FKTN: variants seen among roughly 807,000 people sequenced by gnomAD.
FKTN encodes the protein ribitol-5-phosphate transferase FKTN.
In FKTN, 47 loss-of-function variants were observed where a neutral mutation model predicts 58.6. The ratio of observed to expected loss-of-function variants is 0.80; its 90% confidence interval spans 0.63 to 1.02. The LOEUF is 1.02. Ranked by LOEUF, FKTN falls within the 50% of genes least tolerant of loss-of-function variation. The pLI is 0.00. For missense variants in FKTN, 516 were observed against 537.3 expected (o/e 0.96, Z 0.39); for synonymous variants, 178 against 191.9 (o/e 0.93, Z 0.60).
Position 105,639,976 on chromosome 9 carries a change from T to A in FKTN, c.*4712T>A. ...AGCCATGATTTGGAGAGGGAAGAAA[T>A]CTGGAATACTTAATTTCATTTAATT... is the stretch of plus-strand genomic sequence containing the variant. On this transcript the variant is annotated 3_prime_UTR_variant, in exon 11 of 11. Transcript: ENST00000357998. 1.3e-6 allele frequency: 2 copies of A among 1,507,204 alleles called. No homozygotes were observed. Among genetic ancestry groups the A allele is most frequent in the Non-Finnish European group, 1.8e-6 (2 of 1,130,144 alleles). 93.4% of individuals were successfully genotyped at this position (1,507,204 alleles called of 1,614,324 possible).
chr9:105,573,131 A>T (rs937751399), intron 1 of FKTN, among the ~76,000 whole-genome samples: 3 of 152,040 alleles, frequency 2.0e-5, no homozygotes, highest in Admixed American at 6.5e-5. Flanking sequence ...GTTACTCGGG[A>T]GGCTGAGATA....
rs762827229 is a variant in FKTN at position 105,601,172 on chromosome 9, A to T, written c.193A>T (p.Thr65Ser). ...WRAVKKFIML[T>S]SNQNVPVFLI... Reference sequence around the variant, plus strand: ...TGCAGTTAAAAAATTTATTATGTTAACATCCAACCAAAATGTACCAGTGTT... The same window carrying T: ...TGCAGTTAAAAAATTTATTATGTTATCATCCAACCAAAATGTACCAGTGTT... Residue 65 changes from threonine (T) to serine (S), a missense_variant, in exon 5 of 11, where the codon ACA becomes TCA. Transcript: ENST00000357998. 1 of 1,609,484 alleles carries T rather than the reference A, an allele frequency of 6.2e-7. No homozygotes were observed. The highest frequency in any genetic ancestry group is 8.5e-7 in the Non-Finnish European group (1 of 1,176,286).
At chr9:105,574,771 C>T in intron 2 of FKTN, 174 bp from the exon 3 acceptor site, 1 of 344,416 alleles carries the variant, frequency 2.9e-6, no homozygotes, top group Non-Finnish European at 5.3e-6. Context: ...TGATAATAAA[C>T]ATTTTTGTTT....
intron 3 of FKTN, among the ~76,000 whole-genome samples, chr9:105,579,993 G>C (rs966371783): frequency 2.4e-4 from 37 of 151,658 alleles, no homozygotes; most frequent in African/African-American, 8.2e-4. Flanking sequence ...TGCAACCCCT[G>C]CCTTTTTTTG....
intron 6 of FKTN, 61 bp downstream of exon 6, chr9:105,604,553 G>A (rs1828521353): frequency 7.4e-7 from 1 of 1,354,290 alleles, no homozygotes; most frequent in South Asian, 1.2e-5. Context: ...AATTCTTGCA[G>A]TGTTTTTACA....
At chr9:105,590,922 G>A (rs12004886) in intron 3 of FKTN, among the ~76,000 whole-genome samples, 17,338 of 152,066 alleles carry the variant, frequency 0.11, 1,436 homozygotes, top group African/African-American at 0.23. Context: ...AGGTGAAGGG[G>A]GAGCCCGCAC....
chr9:105,614,257 T>C (rs1830430598), intron 7 of FKTN, among the ~76,000 whole-genome samples: 1 of 152,186 alleles, frequency 6.6e-6, no homozygotes, highest in Non-Finnish European at 1.5e-5. Context: ...AAATGATATA[T>C]ATGACCTGAC....
intron 7 of FKTN, among the ~76,000 whole-genome samples, chr9:105,614,934 A>G (rs1382722978): frequency 7.1e-6 from 1 of 141,484 alleles, no homozygotes; most frequent in African/African-American, 2.7e-5. Flanking sequence ...CCCAGGCTGG[A>G]GTATAGTGGT....
Position 105,637,265 on chromosome 9 carries a change from A to T in FKTN, c.*2001A>T. The T allele has an allele frequency of 1.0e-6, 1 of 985,482 alleles. No homozygotes were observed. The highest frequency in any genetic ancestry group is 1.2e-6 in the Non-Finnish European group (1 of 829,906). 61.0% of individuals were successfully genotyped at this position (985,482 alleles called of 1,614,324 possible). A position where few individuals can be genotyped will look rare whatever the true frequency, so the allele number is the denominator to read the frequency against. ...CTCCCATTCTTTGCCAGGAGATCTT[A>T]CCCATCCCTTTTCAGATTAATCTTT... On this transcript the variant is annotated 3_prime_UTR_variant, in exon 11 of 11. Coordinates refer to ENST00000357998, the MANE Select transcript of FKTN (RefSeq NM_001079802.2).
chr9:105,558,827 G>A (rs1423530539), intron 1 of FKTN, among the ~76,000 whole-genome samples: 3 of 152,160 alleles, frequency 2.0e-5, no homozygotes, highest in Non-Finnish European at 4.4e-5. Context: ...GATAAATAGG[G>A]TTTGAACGAT....
chr9:105,630,174 C>T (rs1292968756), intron 10 of FKTN, among the ~76,000 whole-genome samples: 1 of 151,796 alleles, frequency 6.6e-6, no homozygotes, highest in African/African-American at 2.4e-5. Flanking sequence ...ACGTTGTGCA[C>T]ATGTACCCTA....
At chr9:105,615,909 T>G (rs1830721982) in intron 8 of FKTN, among the ~76,000 whole-genome samples, 1 of 152,192 alleles carries the variant, frequency 6.6e-6, no homozygotes, top group Non-Finnish European at 1.5e-5. Flanking sequence ...GAGTATCTTA[T>G]TTTACTGTAC....
chr9:105,584,257 T>C (rs973852950), intron 3 of FKTN, among the ~76,000 whole-genome samples: 1 of 152,180 alleles, frequency 6.6e-6, no homozygotes, highest in South Asian at 2.1e-4. Flanking sequence ...GCTATTATTA[T>C]TATTTTTTAA....
chr9:105,573,846 A>G (rs570826158), intron 2 of FKTN, 100 bp downstream of exon 2: 1 of 152,348 alleles, frequency 6.6e-6, no homozygotes, highest in Non-Finnish European at 1.5e-5. Context: ...ATTTAGCACT[A>G]CAGGACAATG....
At chr9:105,592,724 G>A (rs1021651104) in intron 3 of FKTN, among the ~76,000 whole-genome samples, 1 of 152,196 alleles carries the variant, frequency 6.6e-6, no homozygotes, top group African/African-American at 2.4e-5. Flanking sequence ...TAGGGCCAGG[G>A]CACAATGCAG....
chr9:105,615,218 A>G, intron 7 of FKTN, 60 bp from the exon 8 acceptor site: 1 of 1,574,570 alleles, frequency 6.4e-7, no homozygotes, highest in Non-Finnish European at 8.7e-7. Flanking sequence ...CAGATGCCAC[A>G]GAAAGGTTCC....
chr9:105,617,655 G>A (rs1831053693), intron 8 of FKTN, among the ~76,000 whole-genome samples: 1 of 152,170 alleles, frequency 6.6e-6, no homozygotes, highest in Non-Finnish European at 1.5e-5. Context: ...TAGATAGATA[G>A]AAGGTTCAGG....
At position 105,640,508 on chromosome 9, in the gene FKTN, G is replaced by A. The variant is rs749718767; in HGVS notation, c.*5244G>A. 7 of 160,850 alleles carry A rather than the reference G, an allele frequency of 4.4e-5. No homozygotes were observed. Among genetic ancestry groups the A allele is most frequent in the Admixed American group, 1.9e-4 (3 of 15,538 alleles). 10.0% of individuals were successfully genotyped at this position (160,850 alleles called of 1,614,324 possible). The stretch of plus-strand genomic sequence containing the variant: ...GCAGAGTCTGCAGTGAGCCAAGATC[G>A]CGGCATTGCACTTCAGCCTGGGCGA... On this transcript the variant is annotated 3_prime_UTR_variant, in exon 11 of 11. Transcript: ENST00000357998.
intron 3 of FKTN, among the ~76,000 whole-genome samples, chr9:105,579,503 T>C (rs2132139437): frequency 6.6e-6 from 1 of 152,058 alleles, no homozygotes; most frequent in East Asian, 1.9e-4. Flanking sequence ...TCCTGAGTTC[T>C]AGTTTGATTG....
Sources: allele counts gnomAD v4.1 joint callset (sites outside exome capture counted in the v4.1 genomes callset), GRCh38; gene constraint gnomAD v4.1.1; transcripts MANE v1.5; gene names NCBI Gene and HGNC (gene_info 2026-07-23, HGNC 2026-07-21).